The following LIPA variants were observed in gnomAD, a reference collection of about 807,000 sequenced individuals.
LIPA encodes the protein lysosomal acid lipase/cholesteryl ester hydrolase.
LIPA carries 26 observed loss-of-function variants against 40.6 expected under a neutral mutation model. The observed-to-expected ratio is 0.64, with a 90% CI of 0.47 to 0.89. The LOEUF (loss-of-function observed/expected upper bound fraction) is 0.89. Among genes scored for constraint, LIPA ranks in the 40% least tolerant of loss-of-function variants. The pLI, the probability that LIPA is intolerant of heterozygous loss-of-function variation, is 0.00. For synonymous variants in LIPA, 188 were observed against 168.4 expected, an observed-to-expected ratio of 1.12 and a Z score of -0.90; for missense variants, 455 against 479.6, an observed-to-expected ratio of 0.95 and a Z score of 0.48.
chr10:89,229,571 C>T (rs1449885244), intron 3 of LIPA, among the ~76,000 whole-genome samples: 1 of 151,978 alleles, frequency 6.6e-6, no homozygotes, highest in East Asian at 1.9e-4. Flanking sequence ...GCCAACATGG[C>T]GAAACCCTGT....
At chr10:89,298,061 G>A (rs536638571) in intron 1 of LIPA, among the ~76,000 whole-genome samples, 11 of 152,336 alleles carry the variant, frequency 7.2e-5, no homozygotes, top group African/African-American at 1.4e-4. Context: ...GCCAACATCA[G>A]TGTACACTTA....
At chr10:89,221,526 A>C (rs977922103) in intron 8 of LIPA, among the ~76,000 whole-genome samples, 1 of 152,218 alleles carries the variant, frequency 6.6e-6, no homozygotes, top group Middle Eastern at 3.2e-3. Context: ...TGTACTTTTT[A>C]AAGCAATTTG....
intron 2 of LIPA, among the ~76,000 whole-genome samples, chr10:89,379,127 T>C (rs2133601568): frequency 6.6e-6 from 1 of 152,350 alleles, no homozygotes; most frequent in South Asian, 2.1e-4. Context: ...TGTTTTTCTG[T>C]TGTTTGTTTG....
At chr10:89,263,445 T>C (rs933210750) in intron 1 of LIPA, among the ~76,000 whole-genome samples, 1 of 152,246 alleles carries the variant, frequency 6.6e-6, no homozygotes, top group African/African-American at 2.4e-5. Context: ...GTTGGTTTTA[T>C]GTTCAGGAAA....
At position 89,409,933 on chromosome 10, in the gene LIPA, C is replaced by A. The variant is rs145887487; in HGVS notation, c.61+2858G>T. Among the ~76,000 whole-genome samples the A allele has an allele frequency of 5.9e-4, 90 of 152,318 alleles. 1 individual carries two copies. In the East Asian group the frequency reaches 0.014, roughly 24 times the overall value. On this transcript the variant is annotated intron_variant, in intron 2 of 8. Coordinates refer to the LIPA transcript ENST00000371837. ...GTTGTCCCCTACTTGAGAGGGGAAT[C>A]AACCCTGAAGTCTGGGCATTGGAAG...
intron 1 of LIPA, among the ~76,000 whole-genome samples, chr10:89,318,591 T>A (rs993570848): frequency 3.3e-5 from 5 of 152,176 alleles, no homozygotes; most frequent in Non-Finnish European, 5.9e-5. Context: ...CAAAAAGATG[T>A]AGACTCCCAA....
At chr10:89,298,265 G>C (rs937323927) in intron 1 of LIPA, among the ~76,000 whole-genome samples, 3 of 152,128 alleles carry the variant, frequency 2.0e-5, no homozygotes, top group Non-Finnish European at 4.4e-5. Flanking sequence ...GTTGTTCTGG[G>C]GCCGAAGATC....
At position 89,223,686 on chromosome 10, in the gene LIPA, T is replaced by C. The variant is rs1842729348; in HGVS notation, c.820A>G (p.Met274Val). Residue 274 changes from methionine (M) to valine (V), a missense_variant and splice_region_variant, in exon 7 of 10, where the codon ATG (methionine) becomes GTG (valine). Transcript: ENST00000336233. ...LCGFNERNLN[M>V]SRVDVYTTHS... ...AATCTTACTATAAACATGCATACCA[T>C]ATTTAAATTTCTCTCATTAAATCCA... 1 of 1,607,010 alleles carries C rather than the reference T, an allele frequency of 6.2e-7. No individual in the cohort carries two copies. The highest frequency in any genetic ancestry group is 1.3e-5 in the African/African-American group (1 of 74,758).
intron 1 of LIPA, among the ~76,000 whole-genome samples, chr10:89,267,271 C>A (rs1193837672): frequency 6.6e-6 from 1 of 151,996 alleles, no homozygotes; most frequent in African/African-American, 2.4e-5. Context: ...AGTGCAGTAG[C>A]CCCAGGTAGT....
chr10:89,343,909 AT>A (rs139014928), upstream of LIPA, among the ~76,000 whole-genome samples: 10,519 of 152,216 alleles, frequency 0.069, 913 homozygotes, highest in African/African-American at 0.2. Context: ...TTCTAGCTTA[AT>A]TCAGGCAGGA....
At chr10:89,373,579 C>T (rs1408082577) in intron 2 of LIPA, among the ~76,000 whole-genome samples, 1 of 152,090 alleles carries the variant, frequency 6.6e-6, no homozygotes, top group South Asian at 2.1e-4. Flanking sequence ...GCACTTTGAC[C>T]TACATCCTTT....
intron 2 of LIPA, among the ~76,000 whole-genome samples, chr10:89,358,452 G>A (rs1160439750): frequency 6.6e-6 from 1 of 152,122 alleles, no homozygotes; most frequent in Non-Finnish European, 1.5e-5. Flanking sequence ...TTGACATCAA[G>A]TTATCAAAGC....
intron 1 of LIPA, chr10:89,308,558 G>A (rs1426125700): frequency 6.6e-6 from 1 of 152,058 alleles, no homozygotes; most frequent in Non-Finnish European, 1.5e-5. Flanking sequence ...CAAAATTCAC[G>A]GTATGCTTGG....
At chr10:89,389,221 T>C (rs528664154) in intron 2 of LIPA, among the ~76,000 whole-genome samples, 1 of 152,190 alleles carries the variant, frequency 6.6e-6, no homozygotes, top group African/African-American at 2.4e-5. Context: ...CTTTTATAAT[T>C]AAATGAAAAA....
In LIPA at chr10:89,388,465, T is replaced by C. The variant is rs930544557; in HGVS notation, c.61+24326A>G. On this transcript the variant is annotated intron_variant, in intron 2 of 8. Transcript: ENST00000371837. ...TGGAGGTGTTTTGTTAATTTTGTTA[T>C]TCAGAGACGGTTGTTGGTGTATTAT... is the stretch of plus-strand genomic sequence containing the variant. Among the ~76,000 whole-genome samples the C allele has an allele frequency of 2.0e-4, 31 of 152,200 alleles. 1 individual carries two copies.
chr10:89,383,766 G>A (rs1431351274), intron 2 of LIPA: 1 of 1,614,206 alleles, frequency 6.2e-7, no homozygotes, highest in South Asian at 1.1e-5. Context: ...CCTTGGCGAA[G>A]TGTGGTGGAA....
chr10:89,242,217 A>G (rs869820), intron 3 of LIPA, among the ~76,000 whole-genome samples: 33,319 of 152,164 alleles, frequency 0.22, 4,027 homozygotes, highest in African/African-American at 0.33. Context: ...GGAGCAAAGC[A>G]TTGCTCAACA....
chr10:89,394,598 A>ATTT (rs375192355), intron 2 of LIPA, among the ~76,000 whole-genome samples: 1,989 of 22,436 alleles, frequency 0.089, 77 homozygotes, highest in African/African-American at 0.22. Context: ...ATATATATAT[A>ATTT]TATATATATA....
At chr10:89,295,460 A>G (rs528739494) in intron 1 of LIPA, among the ~76,000 whole-genome samples, 1 of 152,322 alleles carries the variant, frequency 6.6e-6, no homozygotes, top group Non-Finnish European at 1.5e-5. Context: ...TGGTTCTCAG[A>G]CTTTAGCATC....
Sources: gnomAD v4.1 joint callset for allele counts (sites outside exome capture counted in the v4.1 genomes callset) on GRCh38, gnomAD v4.1.1 for gene constraint, MANE v1.5 for transcripts, NCBI Gene and HGNC (gene_info 2026-07-23, HGNC 2026-07-21) for gene names.